The following ADAM12 variants were observed in gnomAD, a reference collection of about 807,000 sequenced individuals.
ADAM12 encodes the protein ADAM metallopeptidase domain 12, also known as disintegrin and metalloproteinase domain-containing protein 12.
In ADAM12, 70 loss-of-function variants were observed where a neutral mutation model predicts 106.4. The ratio of observed to expected loss-of-function variants is 0.66; its 90% confidence interval spans 0.54 to 0.80. The LOEUF is 0.80. Among genes scored for constraint, ADAM12 ranks in the 30% least tolerant of loss-of-function variants. The pLI, the probability that ADAM12 is intolerant of heterozygous loss-of-function variation, is 0.00. For synonymous variants in ADAM12, 420 were observed against 433.5 expected (o/e 0.97, Z 0.39); for missense variants, 1,010 against 1,171.9 (o/e 0.86, Z 2.02).
chr10:126,254,464 GACA>G (rs1458519065), intron 3 of ADAM12, among the ~76,000 whole-genome samples: 1 of 152,194 alleles, frequency 6.6e-6, no homozygotes, highest in Non-Finnish European at 1.5e-5. Context: ...AAGAGCAACT[GACA>G]ACACTTCCTT....
chr10:126,243,215 C>T (rs1038202940), intron 3 of ADAM12, among the ~76,000 whole-genome samples: 1 of 152,198 alleles, frequency 6.6e-6, no homozygotes, highest in African/African-American at 2.4e-5. Context: ...GCCTGAGGAT[C>T]CTGCCCCAAG....
In ADAM12 at chr10:126,131,104, C is replaced by CTTTTTTTTTT. The variant is rs71029289; in HGVS notation, c.416+4470_416+4479dup. 1.7e-4 allele frequency among the ~76,000 whole-genome samples: 17 copies of CTTTTTTTTTT among 100,920 alleles called. 1 individual carries two copies. The highest frequency in any genetic ancestry group is 6.1e-4 in the African/African-American group (16 of 26,426). 66.2% of individuals were successfully genotyped at this position (100,920 alleles called of 152,430 possible). On this transcript the variant is annotated intron_variant, in intron 5 of 22. Transcript: ENST00000448723. ...AGTGTCCCTGGCTCTCAGCTGTCTT[C>CTTTTTTTTTT]TTTTTTTTTTTTTTTTTTTTTTTTT...
intron 16 of ADAM12, 42 bp from the exon 17 acceptor site, chr10:126,046,174 C>G: frequency 1.3e-6 from 2 of 1,567,842 alleles, no homozygotes; most frequent in East Asian, 2.2e-5. Context: ...TAGTATTTCT[C>G]CAACCCCTCC....
rs201508706 is a variant in ADAM12, at chr10:126,098,456, A to G, written c.956T>C (p.Met319Thr). 1 of 1,614,126 alleles carries G rather than the reference A, an allele frequency of 6.2e-7. No individual in the cohort carries two copies. The highest frequency in any genetic ancestry group is 1.3e-5 in the African/African-American group (1 of 75,056). The part of the protein sequence containing the change: ...QGTTIGMAPI[M>T]SMCTADQSGG... ...AGACTGGTCTGCCGTGCACATGCTC[A>G]TGATTGGGGCCATGCCGATGGTGGT... The change falls in exon 10 of 23, where the codon ATG becomes ACG. Residue 319 changes from methionine to threonine, a missense_variant. Met to Thr is a moderately conservative substitution (Grantham distance 81, BLOSUM62 -1). Coordinates refer to ENST00000448723, the MANE Select transcript of ADAM12 (RefSeq NM_001288973.2).
rs552540093 is a variant in ADAM12 at position 126,262,995 on chromosome 10, G to T, written c.260+15920C>A. Among the ~76,000 whole-genome samples, 3 of 152,314 alleles carry T rather than the reference G, an allele frequency of 2.0e-5. No homozygotes were observed. The East Asian group carries it at 5.8e-4, about 29-fold the overall frequency. ...CTCTGGGCACTGAGATGCATCCTGG[G>T]ATTCTCAGGTTTCCAAGGAACAGCA... On this transcript the variant is annotated intron_variant, in intron 3 of 22. Transcript: ENST00000448723.
At chr10:126,105,351 A>AC (rs1256137905) in intron 8 of ADAM12, among the ~76,000 whole-genome samples, 19 of 152,188 alleles carry the variant, frequency 1.2e-4, no homozygotes, top group African/African-American at 4.3e-4. Flanking sequence ...TTTGGGTTTA[A>AC]TATAGTTTAT....
Position 126,096,769 on chromosome 10 carries a change from T to G in ADAM12, c.996+1647A>C, listed in dbSNP as rs151303859. On this transcript the variant is annotated intron_variant, in intron 10 of 22. Coordinates refer to ENST00000448723, the MANE Select transcript of ADAM12 (RefSeq NM_001288973.2). Reference sequence around the variant, plus strand: ...TATCCTATTTGATGTTTCTGTTATATGTGGAACGTGTAAGCAGTGTGTCTA... The same window carrying G: ...TATCCTATTTGATGTTTCTGTTATAGGTGGAACGTGTAAGCAGTGTGTCTA... 2.3e-4 allele frequency among the ~76,000 whole-genome samples: 35 copies of G among 152,394 alleles called. No homozygotes were observed. The East Asian group carries it at 5.0e-3, about 22-fold the overall frequency.
intron 3 of ADAM12, among the ~76,000 whole-genome samples, chr10:126,158,051 CA>C (rs1956851364): frequency 6.6e-6 from 1 of 152,326 alleles, no homozygotes; most frequent in Admixed American, 6.5e-5. Flanking sequence ...GAATGTTCCA[CA>C]GCACAGTTCC....
intron 3 of ADAM12, among the ~76,000 whole-genome samples, chr10:126,258,076 T>C (rs1413701778): frequency 1.3e-5 from 2 of 152,192 alleles, no homozygotes; most frequent in Non-Finnish European, 2.9e-5. Flanking sequence ...CCTCCTGCTA[T>C]ATATCAAGCA....
intron 3 of ADAM12, among the ~76,000 whole-genome samples, chr10:126,201,915 C>T (rs1306866546): frequency 6.6e-6 from 1 of 152,188 alleles, no homozygotes; most frequent in Admixed American, 6.5e-5. Context: ...AGAGAGGCAG[C>T]AGGCTAGTTC....
In ADAM12 at chr10:126,302,933, G is replaced by A. The variant is rs569071050; in HGVS notation, c.187-23945C>T. ...GCCAGAAAAGAAGTGACTTTTAAAA[G>A]AAGGGAACAAAGGAAGAGGGGGCAT... is the stretch of plus-strand genomic sequence containing the variant. On this transcript the variant is annotated intron_variant, in intron 2 of 22. Coordinates refer to ENST00000448723, the MANE Select transcript of ADAM12 (RefSeq NM_001288973.2). 6.6e-5 allele frequency among the ~76,000 whole-genome samples: 10 copies of A among 152,270 alleles called. No individual in the cohort carries two copies. The South Asian group carries it at 1.9e-3, about 28-fold the overall frequency.
chr10:126,257,123 G>A (rs563750263), intron 3 of ADAM12, among the ~76,000 whole-genome samples: 5 of 152,174 alleles, frequency 3.3e-5, no homozygotes, highest in Non-Finnish European at 4.4e-5. Flanking sequence ...CCACCTGTAT[G>A]TGTACTGCCA....
intron 6 of ADAM12, 98 bp from the exon 7 acceptor site, chr10:126,109,938 T>C (rs1955840380): frequency 4.2e-6 from 5 of 1,186,624 alleles, no homozygotes; most frequent in Non-Finnish European, 6.0e-6. Context: ...TGAGAATGTA[T>C]ATCCCCCATC....
chr10:126,196,846 TAA>T (rs57018159), intron 3 of ADAM12, among the ~76,000 whole-genome samples: 1 of 150,934 alleles, frequency 6.6e-6, no homozygotes, highest in African/African-American at 2.4e-5. Flanking sequence ...TCTTGTAAAA[TAA>T]AAAAAAAGTG....
intron 1 of ADAM12, among the ~76,000 whole-genome samples, chr10:126,354,116 T>C (rs1855459301): frequency 6.6e-6 from 1 of 151,920 alleles, no homozygotes; most frequent in South Asian, 2.1e-4. Flanking sequence ...CCTCCCTCCA[T>C]CAAATCCTGC....
At chr10:126,170,311 C>T (rs1676751) in intron 3 of ADAM12, among the ~76,000 whole-genome samples, 7 of 151,876 alleles carry the variant, frequency 4.6e-5, no homozygotes, top group Admixed American at 2.0e-4. Flanking sequence ...TCCGGGGCGG[C>T]GAAGAGGACC....
intron 3 of ADAM12, among the ~76,000 whole-genome samples, chr10:126,177,389 C>A (rs949794162): frequency 7.2e-5 from 11 of 152,130 alleles, no homozygotes; most frequent in African/African-American, 1.7e-4. Context: ...TTAATAAGCA[C>A]TCTCTCATTT....
chr10:126,082,881 G>T (rs1955256371), intron 11 of ADAM12, among the ~76,000 whole-genome samples: 1 of 152,184 alleles, frequency 6.6e-6, no homozygotes, highest in South Asian at 2.1e-4. Context: ...ACATTGCTTG[G>T]ACAAGCTGCT....
intron 5 of ADAM12, among the ~76,000 whole-genome samples, chr10:126,131,326 G>C (rs1266856497): frequency 6.6e-6 from 1 of 152,020 alleles, no homozygotes; most frequent in Non-Finnish European, 1.5e-5. Context: ...GAGCCACTGG[G>C]ATGTGTTTAG....
Sources: gnomAD v4.1 joint callset for allele counts (sites outside exome capture counted in the v4.1 genomes callset) on GRCh38, gnomAD v4.1.1 for gene constraint, MANE v1.5 for transcripts, NCBI Gene and HGNC (gene_info 2026-07-23, HGNC 2026-07-21) for gene names.